Variants in NRG1 observed in about 807,000 individuals in gnomAD.
NRG1 encodes the protein pro-neuregulin-1, membrane-bound isoform.
In NRG1, 18 loss-of-function variants were observed where a neutral mutation model predicts 63.8. That is an observed-to-expected ratio of 0.28 (90% CI 0.19 to 0.42). The LOEUF (loss-of-function observed/expected upper bound fraction) is 0.42. NRG1 is among the 10% of genes least tolerant of loss of function. The probability of loss-of-function intolerance (pLI) is 1.00; values close to 1 mark genes in which losing one functional copy is unlikely to be tolerated. For synonymous variants in NRG1, 302 were observed against 301.3 expected (o/e 1.00, Z -0.02); for missense variants, 762 against 814.7 (o/e 0.94, Z 0.79).
intron 1 of NRG1, among the ~76,000 whole-genome samples, chr8:31,828,624 G>T (rs535755031): frequency 5.3e-5 from 8 of 152,278 alleles, no homozygotes; most frequent in African/African-American, 1.9e-4. Flanking sequence ...AGGTCAGGGA[G>T]CCCTGGGAAT....
chr8:31,681,885 C>G (rs996799740), intron 1 of NRG1, among the ~76,000 whole-genome samples: 2 of 151,998 alleles, frequency 1.3e-5, no homozygotes, highest in African/African-American at 4.8e-5. Context: ...AAAGGGCAAC[C>G]TTTTCACTAT....
At chr8:32,381,567 A>G (rs539408185) in intron 1 of NRG1, among the ~76,000 whole-genome samples, 1 of 152,346 alleles carries the variant, frequency 6.6e-6, no homozygotes, top group Non-Finnish European at 1.5e-5. Context: ...TCTTAGTTAC[A>G]CATTAGCTGT....
At chr8:31,762,756 C>A (rs561663239) in intron 1 of NRG1, among the ~76,000 whole-genome samples, 2 of 151,972 alleles carry the variant, frequency 1.3e-5, no homozygotes, top group Non-Finnish European at 2.9e-5. Context: ...TTCATTAATT[C>A]TCTAAATATT....
At chr8:32,329,842 C>A (rs1456367887) in intron 1 of NRG1, among the ~76,000 whole-genome samples, 4 of 95,014 alleles carry the variant, frequency 4.2e-5, no homozygotes, top group Admixed American at 3.9e-4. Flanking sequence ...AAAACCACAA[C>A]CTTTAGGTTT....
At chr8:32,299,584 T>C (rs1456794366) in intron 1 of NRG1, among the ~76,000 whole-genome samples, 3 of 152,182 alleles carry the variant, frequency 2.0e-5, no homozygotes, top group Non-Finnish European at 4.4e-5. Context: ...GTTCTCATGC[T>C]GCTAATGAAG....
chr8:32,433,656 T>C (rs1221825482), intron 1 of NRG1, among the ~76,000 whole-genome samples: 1 of 152,096 alleles, frequency 6.6e-6, no homozygotes, highest in Non-Finnish European at 1.5e-5. Context: ...TTGTAAAGGG[T>C]ATTGTTTCGG....
chr8:32,715,548 A>C (rs1281972148), intron 5 of NRG1, among the ~76,000 whole-genome samples: 1 of 152,194 alleles, frequency 6.6e-6, no homozygotes, highest in Non-Finnish European at 1.5e-5. Context: ...TGTGAAACCA[A>C]GAAAAGTCTC....
At chr8:32,177,732 A>C (rs1840953223) in intron 1 of NRG1, among the ~76,000 whole-genome samples, 2 of 152,108 alleles carry the variant, frequency 1.3e-5, no homozygotes, top group Non-Finnish European at 2.9e-5. Flanking sequence ...CCATCAAAAT[A>C]AACCACTTTG....
intron 5 of NRG1, among the ~76,000 whole-genome samples, chr8:32,718,042 T>G (rs1237718379): frequency 1.3e-5 from 2 of 152,196 alleles, no homozygotes; most frequent in African/African-American, 4.8e-5. Context: ...AAGCCAACTA[T>G]GGTATTGTCC....
intron 1 of NRG1, among the ~76,000 whole-genome samples, chr8:32,095,060 C>T (rs1415254989): frequency 2.0e-5 from 3 of 152,078 alleles, no homozygotes; most frequent in South Asian, 2.1e-4. Context: ...TACAGGCACA[C>T]GCCATCATGC....
intron 1 of NRG1, among the ~76,000 whole-genome samples, chr8:32,003,610 A>G (rs1813291428): frequency 6.6e-6 from 1 of 152,100 alleles, no homozygotes; most frequent in Admixed American, 6.6e-5. Context: ...ATTAAAAAAT[A>G]AATAAATCAA....
chr8:31,660,247 T>C (rs1805849976), intron 1 of NRG1, among the ~76,000 whole-genome samples: 1 of 151,994 alleles, frequency 6.6e-6, no homozygotes. Context: ...TTCTGTGGGA[T>C]ATGGAGAAGT....
chr8:32,031,214 C>G (rs1483988928), intron 1 of NRG1, among the ~76,000 whole-genome samples: 2 of 152,218 alleles, frequency 1.3e-5, no homozygotes, highest in South Asian at 2.1e-4. Flanking sequence ...TCACCAGGCT[C>G]TGTCTCCATG....
At chr8:32,063,919 C>T (rs2130937421) in intron 1 of NRG1, among the ~76,000 whole-genome samples, 1 of 151,940 alleles carries the variant, frequency 6.6e-6, no homozygotes, top group East Asian at 1.9e-4. Context: ...ACGTGGCATG[C>T]CTGGAGATGA....
chr8:32,693,546 A>C (rs1380644781), intron 5 of NRG1, among the ~76,000 whole-genome samples: 2 of 142,472 alleles, frequency 1.4e-5, no homozygotes, highest in African/African-American at 2.6e-5. Context: ...GAATATTTTC[A>C]TTTCCAAAAA....
chr8:32,424,281 G>A (rs973797403), intron 1 of NRG1, among the ~76,000 whole-genome samples: 9 of 152,154 alleles, frequency 5.9e-5, no homozygotes, highest in African/African-American at 1.9e-4. Flanking sequence ...TAGGACTAGT[G>A]TGAGCAGGTC....
intron 1 of NRG1, among the ~76,000 whole-genome samples, chr8:32,233,564 T>TATATA (rs1554660618): frequency 7.6e-3 from 207 of 27,112 alleles, no homozygotes; most frequent in South Asian, 0.013. Context: ...TATATATATA[T>TATATA]TTTTTTTTTT....
At chr8:32,437,090 T>G (rs565419324) in intron 1 of NRG1, among the ~76,000 whole-genome samples, 4 of 152,182 alleles carry the variant, frequency 2.6e-5, no homozygotes, top group Non-Finnish European at 5.9e-5. Context: ...GGCCCATTTT[T>G]AAGCCATATC....
At chr8:31,920,883 GGTAGATAGATAGA>G (rs1833846688) in intron 1 of NRG1, among the ~76,000 whole-genome samples, 4 of 133,334 alleles carry the variant, frequency 3.0e-5, no homozygotes, top group South Asian at 2.7e-4. Flanking sequence ...TAGATAGATA[GGTAGATAGATAGA>G]TAGATAGATA....
Sources: allele counts gnomAD v4.1 joint callset (sites outside exome capture counted in the v4.1 genomes callset), GRCh38; gene constraint gnomAD v4.1.1; transcripts MANE v1.5; gene names NCBI Gene and HGNC (gene_info 2026-07-23, HGNC 2026-07-21).